Variants in SBF2 observed in about 807,000 individuals in gnomAD.
SBF2 encodes the protein SET binding factor 2.
A neutral mutation model predicts 225.2 loss-of-function variants in SBF2; 112 were observed. The ratio of observed to expected loss-of-function variants is 0.50; its 90% confidence interval spans 0.43 to 0.58. The LOEUF (loss-of-function observed/expected upper bound fraction) is 0.58. Among genes scored for constraint, SBF2 ranks in the 20% least tolerant of loss-of-function variants. The probability of loss-of-function intolerance (pLI) is 0.00; values close to 1 mark genes in which losing one functional copy is unlikely to be tolerated. For missense variants in SBF2, 1,996 were observed against 2,206.2 expected (o/e 0.90, Z 1.91); for synonymous variants, 763 against 773.3 (o/e 0.99, Z 0.22).
At chr11:9,908,013 C>T (rs908130438) in intron 16 of SBF2, among the ~76,000 whole-genome samples, 7 of 152,168 alleles carry the variant, frequency 4.6e-5, no homozygotes, top group Admixed American at 4.6e-4. Context: ...GAAACCTCAA[C>T]GTTCTCTTGC....
chr11:10,248,002 T>C (rs1157024829), intron 1 of SBF2, among the ~76,000 whole-genome samples: 1 of 152,206 alleles, frequency 6.6e-6, no homozygotes, highest in African/African-American at 2.4e-5. Flanking sequence ...AAACATTTGG[T>C]CTAAATTATG....
At chr11:9,994,270 C>G (rs971128703) in intron 9 of SBF2, among the ~76,000 whole-genome samples, 1 of 151,092 alleles carries the variant, frequency 6.6e-6, no homozygotes, top group Non-Finnish European at 1.5e-5. Context: ...GTCAGGAGAT[C>G]GAGACCATCC....
intron 1 of SBF2, among the ~76,000 whole-genome samples, chr11:10,212,101 G>A (rs1031864451): frequency 6.6e-6 from 1 of 152,202 alleles, no homozygotes; most frequent in African/African-American, 2.4e-5. Flanking sequence ...ACTTTGGGAG[G>A]TTACACTTGG....
intron 1 of SBF2, among the ~76,000 whole-genome samples, chr11:10,208,672 T>C (rs1957828701): frequency 6.6e-6 from 1 of 152,100 alleles, no homozygotes; most frequent in African/African-American, 2.4e-5. Flanking sequence ...ACGAAAATTA[T>C]TACCACTATA....
At chr11:10,257,145 C>A (rs1175081860) in intron 1 of SBF2, among the ~76,000 whole-genome samples, 1 of 152,190 alleles carries the variant, frequency 6.6e-6, no homozygotes, top group Non-Finnish European at 1.5e-5. Flanking sequence ...AATAGCACAA[C>A]TGAAATTCAA....
At chr11:10,012,233 C>G (rs1039874590) in intron 6 of SBF2, among the ~76,000 whole-genome samples, 1 of 152,164 alleles carries the variant, frequency 6.6e-6, no homozygotes, top group Non-Finnish European at 1.5e-5. Context: ...GCAGCCCCAG[C>G]CTTCTGGGCT....
At chr11:10,017,989 C>T (rs1352652961) in intron 6 of SBF2, among the ~76,000 whole-genome samples, 1 of 151,982 alleles carries the variant, frequency 6.6e-6, no homozygotes, top group African/African-American at 2.4e-5. Context: ...TTCTGCTTGA[C>T]TTGGTTTTTA....
intron 2 of SBF2, among the ~76,000 whole-genome samples, chr11:10,170,093 T>A (rs1197119857): frequency 6.6e-6 from 1 of 152,088 alleles, no homozygotes; most frequent in Admixed American, 6.5e-5. Flanking sequence ...GTCTCTTCAC[T>A]TTGTTGATTG....
upstream of SBF2, among the ~76,000 whole-genome samples, chr11:10,299,043 G>T (rs1005000789): frequency 6.6e-6 from 1 of 152,128 alleles, no homozygotes; most frequent in African/African-American, 2.4e-5. Context: ...CATAGATGAC[G>T]TAGAAAGTGT....
At chr11:9,854,650 G>C (rs957941782) in intron 19 of SBF2, among the ~76,000 whole-genome samples, 4 of 152,166 alleles carry the variant, frequency 2.6e-5, no homozygotes, top group Non-Finnish European at 5.9e-5. Flanking sequence ...AGCGATGCTA[G>C]CTGTAACCTC....
chr11:10,178,631 A>C (rs1349166244), intron 2 of SBF2, among the ~76,000 whole-genome samples: 3 of 146,728 alleles, frequency 2.0e-5, no homozygotes, highest in Non-Finnish European at 4.5e-5. Flanking sequence ...ATGCAAATCA[A>C]AACCACAATG....
At chr11:10,057,820 C>T (rs914204265) in intron 2 of SBF2, among the ~76,000 whole-genome samples, 3 of 152,168 alleles carry the variant, frequency 2.0e-5, no homozygotes, top group African/African-American at 7.2e-5. Flanking sequence ...AGCCACACAA[C>T]CAAGCAAGAA....
At chr11:9,786,487 T>C (rs868597754) in intron 36 of SBF2, among the ~76,000 whole-genome samples, 3 of 152,194 alleles carry the variant, frequency 2.0e-5, no homozygotes, top group Admixed American at 1.3e-4. Context: ...GAATTGCTAT[T>C]TGAGGGTAAG....
At chr11:10,157,950 G>A (rs184863207) in intron 2 of SBF2, among the ~76,000 whole-genome samples, 13 of 152,096 alleles carry the variant, frequency 8.5e-5, no homozygotes, top group Admixed American at 3.3e-4. Flanking sequence ...CACAAAACAA[G>A]TCGTAACAAA....
chr11:9,830,830 G>A (rs1344183966), intron 27 of SBF2, among the ~76,000 whole-genome samples: 1 of 150,510 alleles, frequency 6.6e-6, no homozygotes, highest in South Asian at 2.1e-4. Context: ...AAATGTGGAA[G>A]TTGAATATGA....
Position 10,294,122 on chromosome 11 carries a change from G to C in SBF2, c.-53C>G. On this transcript the variant is annotated 5_prime_UTR_variant, in exon 1 of 40. Coordinates refer to ENST00000256190, the MANE Select transcript of SBF2 (RefSeq NM_030962.4). ...GGTCCCCGTCGCCGCCCTCGCCGCC[G>C]CCGCCCACCCGGCCCGGGAGGGCTC... The C allele has an allele frequency of 7.8e-7, 1 of 1,276,406 alleles. No individual in the cohort carries two copies. The highest frequency in any genetic ancestry group is 1.0e-6 in the Non-Finnish European group (1 of 1,002,602). 79.1% of individuals were successfully genotyped at this position (1,276,406 alleles called of 1,614,324 possible).
At chr11:10,068,757 A>G (rs1232784295) in intron 2 of SBF2, among the ~76,000 whole-genome samples, 1 of 152,200 alleles carries the variant, frequency 6.6e-6, no homozygotes, top group Non-Finnish European at 1.5e-5. Flanking sequence ...AATAATGTCA[A>G]CTTGATTCTT....
chr11:10,172,506 C>G (rs551788189), intron 2 of SBF2, among the ~76,000 whole-genome samples: 14 of 152,030 alleles, frequency 9.2e-5, no homozygotes, highest in Admixed American at 6.6e-4. Flanking sequence ...CACCTGCCAC[C>G]GCGCCCGGCT....
At chr11:9,967,453 A>C (rs984180643) in intron 14 of SBF2, among the ~76,000 whole-genome samples, 1 of 152,236 alleles carries the variant, frequency 6.6e-6, no homozygotes, top group African/African-American at 2.4e-5. Flanking sequence ...AAATGAAAGA[A>C]GCCAGTCATA....
Sources: allele counts gnomAD v4.1 joint callset (sites outside exome capture counted in the v4.1 genomes callset), GRCh38; gene constraint gnomAD v4.1.1; transcripts MANE v1.5; gene names NCBI Gene and HGNC (gene_info 2026-07-23, HGNC 2026-07-21).